ARB2A: variants seen among roughly 807,000 people sequenced by gnomAD.
The protein encoded by ARB2A is ARB2 cotranscriptional regulator A.
the ARB2A span, among the ~76,000 whole-genome samples, chr5:93,635,830 A>G: frequency 6.6e-6 from 1 of 152,184 alleles, no homozygotes; most frequent in African/African-American, 2.4e-5. Flanking sequence ...TCATTTGGGG[A>G]GAAGGCTTCC....
At chr5:94,012,748 G>C in the ARB2A span, among the ~76,000 whole-genome samples, 5 of 152,088 alleles carry the variant, frequency 3.3e-5, no homozygotes, top group Non-Finnish European at 7.4e-5. Flanking sequence ...CTGTTATCAA[G>C]CAGAATTCTG....
chr5:93,710,224 TTTTA>T, the ARB2A span, among the ~76,000 whole-genome samples: 1 of 152,184 alleles, frequency 6.6e-6, no homozygotes, highest in Non-Finnish European at 1.5e-5. Context: ...ATGGCTGCCA[TTTTA>T]TTTGACCCCT....
chr5:93,740,529 C>G, the ARB2A span: 21 of 1,527,230 alleles, frequency 1.4e-5, no homozygotes, highest in Non-Finnish European at 1.8e-5. Flanking sequence ...TGGGTTTTCC[C>G]TTCTTCTCCC....
the ARB2A span, among the ~76,000 whole-genome samples, chr5:93,930,493 T>C: frequency 6.6e-6 from 1 of 152,152 alleles, no homozygotes; most frequent in Non-Finnish European, 1.5e-5. Context: ...AAAATACTCT[T>C]ACAGAAATCA....
the ARB2A span, among the ~76,000 whole-genome samples, chr5:93,709,221 A>G: frequency 6.6e-6 from 1 of 152,324 alleles, no homozygotes; most frequent in South Asian, 2.1e-4. Flanking sequence ...CATTGCCTCA[A>G]TGAAATCATA....
chr5:93,866,032 T>A, the ARB2A span: 1 of 984,088 alleles, frequency 1.0e-6, no homozygotes, highest in Non-Finnish European at 1.2e-6. Context: ...AAAACGTTGC[T>A]AAATAATCTA....
chr5:93,687,573 A>C, the ARB2A span, among the ~76,000 whole-genome samples: 5 of 152,236 alleles, frequency 3.3e-5, no homozygotes, highest in South Asian at 2.1e-4. Flanking sequence ...TACATGAAAA[A>C]TATCCAAACT....
the ARB2A span, among the ~76,000 whole-genome samples, chr5:94,108,362 A>T: frequency 6.6e-6 from 1 of 151,846 alleles, no homozygotes; most frequent in African/African-American, 2.4e-5. Flanking sequence ...ATTTATTATT[A>T]TAGAAGATGG....
chr5:94,078,145 T>C, the ARB2A span, among the ~76,000 whole-genome samples: 3 of 152,194 alleles, frequency 2.0e-5, no homozygotes, highest in Admixed American at 1.3e-4. Flanking sequence ...ACGAACTAGA[T>C]ATACGTGATT....
At chr5:93,706,279 A>C in the ARB2A span, among the ~76,000 whole-genome samples, 1 of 152,250 alleles carries the variant, frequency 6.6e-6, no homozygotes, top group Non-Finnish European at 1.5e-5. Context: ...ATGCTAAATG[A>C]AAGAAGCCAG....
the ARB2A span, among the ~76,000 whole-genome samples, chr5:93,718,522 T>C: frequency 6.6e-6 from 1 of 152,094 alleles, no homozygotes; most frequent in Non-Finnish European, 1.5e-5. Context: ...AGAAAAAATA[T>C]ATCAAGGCAT....
chr5:93,933,756 C>G, the ARB2A span, among the ~76,000 whole-genome samples: 2 of 152,068 alleles, frequency 1.3e-5, no homozygotes, highest in Non-Finnish European at 2.9e-5. Context: ...ACCTATGTAA[C>G]AAACCTGCAT....
At chr5:93,902,467 T>C in the ARB2A span, among the ~76,000 whole-genome samples, 1 of 152,172 alleles carries the variant, frequency 6.6e-6, no homozygotes, top group Non-Finnish European at 1.5e-5. Context: ...GGGCTTGAGA[T>C]AGGGTACAAA....
the ARB2A span, among the ~76,000 whole-genome samples, chr5:93,955,514 G>A: frequency 1.3e-5 from 2 of 152,160 alleles, no homozygotes; most frequent in African/African-American, 4.8e-5. Flanking sequence ...CCATCTATGA[G>A]AAATTAGGGA....
chr5:93,957,865 A>G, the ARB2A span, among the ~76,000 whole-genome samples: 2 of 151,980 alleles, frequency 1.3e-5, no homozygotes, highest in South Asian at 4.1e-4. Flanking sequence ...AATAAAACAA[A>G]TAAAGCCTAC....
At chr5:93,972,186 C>A in the ARB2A span, among the ~76,000 whole-genome samples, 1 of 152,078 alleles carries the variant, frequency 6.6e-6, no homozygotes, top group Admixed American at 6.6e-5. Flanking sequence ...TTCTCCATTG[C>A]CTCTGCTCCT....
the ARB2A span, among the ~76,000 whole-genome samples, chr5:93,947,504 T>C: frequency 1.2e-4 from 8 of 68,528 alleles, no homozygotes; most frequent in Non-Finnish European, 3.2e-4. Context: ...GCTCACTGTA[T>C]CTTCTTTTTA....
chr5:94,002,349 C>A, the ARB2A span, among the ~76,000 whole-genome samples: 1 of 152,002 alleles, frequency 6.6e-6, no homozygotes, highest in African/African-American at 2.4e-5. Flanking sequence ...GTAAAACACA[C>A]AAAAGTAGAG....
chr5:93,991,165 G>A, the ARB2A span, among the ~76,000 whole-genome samples: 1 of 152,002 alleles, frequency 6.6e-6, no homozygotes, highest in Non-Finnish European at 1.5e-5. Context: ...GGGAATAGGA[G>A]TCAGTTGAGT....
Sources: gnomAD v4.1 joint callset for allele counts (sites outside exome capture counted in the v4.1 genomes callset) on GRCh38, gnomAD v4.1.1 for gene constraint, MANE v1.5 for transcripts, NCBI Gene and HGNC (gene_info 2026-07-23, HGNC 2026-07-21) for gene names.